Variants in PLCG2 observed in about 807,000 individuals in gnomAD.
PLCG2 encodes the protein 1-phosphatidylinositol 4,5-bisphosphate phosphodiesterase gamma-2.
In PLCG2, 69 loss-of-function variants were observed where a neutral mutation model predicts 175.6. The observed-to-expected ratio is 0.39, with a 90% CI of 0.32 to 0.48. PLCG2 has a LOEUF of 0.48. PLCG2 is among the 20% of genes least tolerant of loss of function. PLCG2 has a pLI of 0.91. For missense variants in PLCG2, 1,798 were observed against 1,650.9 expected (o/e 1.09, Z -1.54); for synonymous variants, 827 against 624.0 (o/e 1.33, Z -4.85).
At chr16:81,895,575 GA>G (rs71727409) in intron 12 of PLCG2, 27,598 of 440,340 alleles carry the variant, frequency 0.063, 1,109 homozygotes, top group African/African-American at 0.083. Flanking sequence ...AAAAAAAAAT[GA>G]AAAAAAAAGC....
intron 1 of PLCG2, among the ~76,000 whole-genome samples, chr16:81,750,257 AAC>A (rs1365847654): frequency 1.3e-5 from 2 of 151,896 alleles, no homozygotes; most frequent in Non-Finnish European, 2.9e-5. Context: ...AAAATACAAC[AAC>A]AACAACAAAA....
intron 29 of PLCG2, 135 bp from the exon 30 acceptor site, chr16:81,939,757 T>G (rs1910862391): frequency 1.6e-6 from 1 of 613,718 alleles, no homozygotes; most frequent in Admixed American, 2.7e-5. Context: ...TATTCAGATT[T>G]TCTTAGATCT....
intron 2 of PLCG2, among the ~76,000 whole-genome samples, chr16:81,852,760 G>A (rs190591877): frequency 1.3e-5 from 2 of 152,314 alleles, no homozygotes; most frequent in African/African-American, 4.8e-5. Flanking sequence ...CTGGGCATGG[G>A]TGGGGACTGG....
intron 2 of PLCG2, among the ~76,000 whole-genome samples, chr16:81,852,571 G>T (rs1906473058): frequency 6.6e-6 from 1 of 152,168 alleles, no homozygotes; most frequent in Admixed American, 6.6e-5. Context: ...AGTCAGTCAG[G>T]TTGCTATCCT....
At chr16:81,797,023 A>G (rs1597323738) in intron 2 of PLCG2, among the ~76,000 whole-genome samples, 1 of 152,190 alleles carries the variant, frequency 6.6e-6, no homozygotes, top group Non-Finnish European at 1.5e-5. Flanking sequence ...AACGGAATTT[A>G]AGAGGCGTTG....
Position 81,946,221 on chromosome 16 carries a change from G to A in PLCG2, c.3528G>A (p.Glu1176=), listed in dbSNP as rs1441123083. The A allele has an allele frequency of 8.7e-6, 14 of 1,613,888 alleles. No homozygotes were observed. Among genetic ancestry groups the A allele is most frequent in the Non-Finnish European group, 1.2e-5 (14 of 1,179,876 alleles). ...PLKNGYSEDI[E]LASLLVFCEM... is the part of the protein sequence containing the mutation. ...AGAATGGGTACAGCGAGGACATAGA[G>A]CTGGCTTCCCTCCTGGTTTTCTGTG... Residue 1176 remains glutamate (E), a synonymous_variant, in exon 31 of 33, where the codon GAG becomes GAA. Coordinates refer to ENST00000564138, the MANE Select transcript of PLCG2 (RefSeq NM_002661.5).
chr16:81,765,262 C>T (rs1910123094), intron 2 of PLCG2, among the ~76,000 whole-genome samples: 1 of 152,146 alleles, frequency 6.6e-6, no homozygotes, highest in African/African-American at 2.4e-5. Flanking sequence ...AACCAGAACA[C>T]ACAAAAGATT....
At chr16:81,791,456 G>A (rs1251241905) in intron 2 of PLCG2, among the ~76,000 whole-genome samples, 1 of 152,178 alleles carries the variant, frequency 6.6e-6, no homozygotes, top group Non-Finnish European at 1.5e-5. Context: ...ACTCTTTGTA[G>A]CCTGGACTGA....
At position 81,784,982 on chromosome 16, in the gene PLCG2, G is replaced by T. The variant is rs373695738; in HGVS notation, c.-47-961G>T. Among the ~76,000 whole-genome samples the T allele has an allele frequency of 5.9e-5, 9 of 152,164 alleles. No homozygotes were observed. In the East Asian group the frequency reaches 1.2e-3, roughly 20 times the overall value. ...GGGATTTTGAGCAGAGGAGTGACATGATTTGATTCATGTTCTAAAAGGATC... is the reference window on the plus strand; with the variant it reads ...GGGATTTTGAGCAGAGGAGTGACATTATTTGATTCATGTTCTAAAAGGATC... On this transcript the variant is annotated intron_variant, in intron 1 of 32. Transcript: ENST00000564138.
At chr16:81,833,872 G>A (rs1307080022) in intron 2 of PLCG2, among the ~76,000 whole-genome samples, 1 of 152,160 alleles carries the variant, frequency 6.6e-6, no homozygotes, top group Non-Finnish European at 1.5e-5. Flanking sequence ...CCTAACGATT[G>A]CCTTTGGCGA....
At chr16:81,787,385 A>ATAATT (rs1458962832) in intron 2 of PLCG2, among the ~76,000 whole-genome samples, 1 of 70,416 alleles carries the variant, frequency 1.4e-5, no homozygotes, top group African/African-American at 5.2e-5. Flanking sequence ...CCATGCCTGG[A>ATAATT]TAATTTAATT....
intron 2 of PLCG2, among the ~76,000 whole-genome samples, chr16:81,818,839 AG>A (rs1183914324): frequency 1.4e-5 from 2 of 145,982 alleles, no homozygotes; most frequent in Non-Finnish European, 3.0e-5. Context: ...GAATATGAAT[AG>A]GGGGATTTGA....
intron 2 of PLCG2, among the ~76,000 whole-genome samples, chr16:81,812,090 C>T (rs1230218346): frequency 7.8e-6 from 1 of 127,496 alleles, no homozygotes; most frequent in Non-Finnish European, 1.6e-5. Flanking sequence ...TGCTCTTTTG[C>T]CCAGGCTGGA....
chr16:81,883,924 A>T (rs891368982), intron 9 of PLCG2, among the ~76,000 whole-genome samples: 7 of 152,192 alleles, frequency 4.6e-5, no homozygotes, highest in African/African-American at 1.7e-4. Context: ...CCCAGAGGAC[A>T]CTGGGCAGTG....
chr16:81,845,561 C>G (rs376342880), intron 2 of PLCG2, among the ~76,000 whole-genome samples: 122 of 152,248 alleles, frequency 8.0e-4, no homozygotes, highest in African/African-American at 2.5e-3. Context: ...AGTAGCGACA[C>G]TGCTCCTCAT....
intron 24 of PLCG2, 37 bp from the exon 25 acceptor site, chr16:81,931,460 A>G (rs564750190): frequency 6.2e-7 from 1 of 1,604,354 alleles, no homozygotes. Context: ...GCCCTCTAAT[A>G]GGCTGATTGG....
Position 81,880,915 on chromosome 16 carries a change from C to T in PLCG2, c.654C>T (p.Leu218=), listed in dbSNP as rs780503141. The T allele has an allele frequency of 1.9e-5, 30 of 1,613,878 alleles. No homozygotes were observed. The highest frequency in any genetic ancestry group is 2.3e-5 in the Non-Finnish European group (27 of 1,179,878). ...GTGTGTGCTTTCCATTTCAGATTCT[C>T]GATGAATTCAAAAAGGATTCGTCCG... is the stretch of plus-strand genomic sequence containing the variant. ...KLMFEQQKSI[L]DEFKKDSSVF... Residue 218 remains leucine, a synonymous_variant, in exon 8 of 33, where the codon CTC becomes CTT. Transcript: ENST00000564138.
chr16:81,843,813 AAAG>A (rs1365142781), intron 2 of PLCG2, among the ~76,000 whole-genome samples: 2 of 152,240 alleles, frequency 1.3e-5, no homozygotes, highest in Non-Finnish European at 2.9e-5. Context: ...TGCTGGGATG[AAAG>A]AAGAACTCAA....
At position 81,927,096 on chromosome 16, in the gene PLCG2, A is replaced by T. The variant is rs1255722553; in HGVS notation, c.2432A>T (p.Tyr811Phe). The T allele has an allele frequency of 4.3e-6, 7 of 1,612,678 alleles. No homozygotes were observed. The highest frequency in any genetic ancestry group is 1.1e-5 in the South Asian group (1 of 91,062). Reference protein sequence around the residue: ...KEPGGWWKGDYGTRIQQYFPS... With the variant: ...KEPGGWWKGDFGTRIQQYFPS... ...TTCTTATCCAGGTGGAAAGGAGACTATGGAACCAGGATCCAGCAGTACTTC... is the reference window on the plus strand; with the variant it reads ...TTCTTATCCAGGTGGAAAGGAGACTTTGGAACCAGGATCCAGCAGTACTTC... The change falls in exon 23 of 33, where the codon TAT becomes TTT. Residue 811 changes from tyrosine to phenylalanine, a missense_variant. Coordinates refer to ENST00000564138, the MANE Select transcript of PLCG2 (RefSeq NM_002661.5).
Sources: allele counts gnomAD v4.1 joint callset (sites outside exome capture counted in the v4.1 genomes callset), GRCh38; gene constraint gnomAD v4.1.1; transcripts MANE v1.5; gene names NCBI Gene and HGNC (gene_info 2026-07-23, HGNC 2026-07-21).